The following RHBDL2 variants were observed in gnomAD, a reference collection of about 807,000 sequenced individuals.
RHBDL2 encodes rhomboid like 2.
A neutral mutation model predicts 31.7 loss-of-function variants in RHBDL2; 26 were observed. The observed-to-expected ratio is 0.82, with a 90% CI of 0.60 to 1.14. The LOEUF (loss-of-function observed/expected upper bound fraction) is 1.14. Ranked by LOEUF, RHBDL2 falls within the 50% of genes most tolerant of loss-of-function variation. RHBDL2 has a pLI of 0.00. For synonymous variants in RHBDL2, 123 were observed against 127.2 expected, an observed-to-expected ratio of 0.97 and a Z score of 0.22; for missense variants, 336 against 364.4, an observed-to-expected ratio of 0.92 and a Z score of 0.63.
intron 1 of RHBDL2, among the ~76,000 whole-genome samples, chr1:38,928,409 T>C (rs1386350435): frequency 6.6e-6 from 1 of 150,982 alleles, no homozygotes; most frequent in Non-Finnish European, 1.5e-5. Flanking sequence ...CCCAAAGTGC[T>C]GGGATTACAG....
At chr1:38,925,874 C>T in intron 1 of RHBDL2, 2 of 1,022,832 alleles carry the variant, frequency 2.0e-6, no homozygotes, top group South Asian at 1.5e-5. Context: ...GAGCAGTAGG[C>T]CTGGCTCACT....
At chr1:38,915,165 TC>T in intron 3 of RHBDL2, among the ~76,000 whole-genome samples, 1 of 150,062 alleles carries the variant, frequency 6.7e-6, no homozygotes. Context: ...GGAGTCTCAC[TC>T]TTGTCCCCCA....
At chr1:38,897,118 T>G (rs1232644393) in intron 4 of RHBDL2, among the ~76,000 whole-genome samples, 1 of 151,454 alleles carries the variant, frequency 6.6e-6, no homozygotes, top group African/African-American at 2.4e-5. Flanking sequence ...TTTTTTTTTT[T>G]GAGATGGAGT....
rs901517867 is a variant in RHBDL2, at chr1:38,937,998, C to A, written c.-126+3684G>T. Among the ~76,000 whole-genome samples the A allele has an allele frequency of 5.3e-5, 8 of 151,388 alleles. No individual in the cohort carries two copies. In the South Asian group the frequency reaches 1.7e-3, roughly 32 times the overall value. On this transcript the variant is annotated intron_variant, in intron 1 of 7. Coordinates refer to ENST00000372990, the MANE Select transcript of RHBDL2 (RefSeq NM_017821.5). ...TCAGCCTCACTTCTGAAATGCAAATCAGGTAGTGTCATTCTCATTGCTAAT... is the reference window on the plus strand; with the variant it reads ...TCAGCCTCACTTCTGAAATGCAAATAAGGTAGTGTCATTCTCATTGCTAAT...
In RHBDL2 at chr1:38,911,392, C is replaced by G; in HGVS notation, c.438G>C (p.Leu146Phe). The part of the protein sequence containing the change: ...ILGNLCMQLV[L>F]GIPLEMVHKG... ...TGTGGACCATTTCCAAGGGAATACC[C>G]AAAACAAGCTGCATACAAAGATTCC... Residue 146 changes from leucine (L) to phenylalanine (F), a missense_variant, in exon 4 of 8, where the codon TTG becomes TTC. Transcript: ENST00000372990. 6.2e-7 allele frequency: 1 copy of G among 1,613,910 alleles called. No homozygotes were observed. Among genetic ancestry groups the G allele is most frequent in the South Asian group, 1.1e-5 (1 of 91,070 alleles).
At chr1:38,934,737 C>T (rs562731441) in intron 1 of RHBDL2, among the ~76,000 whole-genome samples, 396 of 150,476 alleles carry the variant, frequency 2.6e-3, no homozygotes, top group Admixed American at 4.1e-3. Flanking sequence ...GCGGGCAGAT[C>T]ACGAGGTCAA....
rs1388900914 is a variant in RHBDL2, at chr1:38,886,504, T to G, written c.912A>C (p.Ter304CysextTer17). 6.4e-7 allele frequency: 1 copy of G among 1,568,136 alleles called. No homozygotes were observed. Among genetic ancestry groups the G allele is most frequent in the Non-Finnish European group, 8.7e-7 (1 of 1,150,440 alleles). The change falls in exon 8 of 8, where the codon TGA (stop) becomes TGC (cysteine). Residue 304 changes from the stop codon to cysteine (C), a stop_lost. Transcript: ENST00000372990. Reference sequence around the variant, plus strand: ...TTAATTGACTTACAATAGGGGCAGGTCAGTTTGCTGGAGATAGGAAAATGT... The same window carrying G: ...TTAATTGACTTACAATAGGGGCAGGGCAGTTTGCTGGAGATAGGAAAATGT... The part of the protein sequence containing the change: ...FFNIFLSPAN[*>C]
chr1:38,915,904 T>C (rs6675870), intron 2 of RHBDL2, among the ~76,000 whole-genome samples, 194 bp from the exon 3 acceptor site: 33,003 of 152,108 alleles, frequency 0.22, 4,315 homozygotes, highest in African/African-American at 0.37. Flanking sequence ...CTTCCTCTGA[T>C]GGTTGGGAGC....
chr1:38,917,496 G>A (rs958965314), intron 2 of RHBDL2, among the ~76,000 whole-genome samples: 2 of 152,168 alleles, frequency 1.3e-5, no homozygotes, highest in Non-Finnish European at 2.9e-5. Flanking sequence ...GGCAATTGAG[G>A]TTTGTACCAC....
chr1:38,903,950 A>G (rs1243703058), intron 4 of RHBDL2, among the ~76,000 whole-genome samples: 1 of 152,206 alleles, frequency 6.6e-6, no homozygotes, highest in African/African-American at 2.4e-5. Context: ...ATACAAAAGC[A>G]ATTTGTATTT....
chr1:38,934,181 T>C (rs1380634901), intron 1 of RHBDL2, among the ~76,000 whole-genome samples: 1 of 151,348 alleles, frequency 6.6e-6, no homozygotes, highest in Admixed American at 6.6e-5. Context: ...ACCCCATCTC[T>C]ATGAAAAATG....
chr1:38,926,541 A>G (rs542844239), intron 1 of RHBDL2: 1 of 152,478 alleles, frequency 6.6e-6, no homozygotes, highest in East Asian at 1.9e-4. Flanking sequence ...TTTGCAATAA[A>G]AAAACCTGAC....
At chr1:38,891,514 G>C (rs1322631161) in intron 6 of RHBDL2, among the ~76,000 whole-genome samples, 1 of 152,138 alleles carries the variant, frequency 6.6e-6, no homozygotes, top group African/African-American at 2.4e-5. Flanking sequence ...CCCAAACAAT[G>C]TGTCCTCTGA....
At chr1:38,937,226 G>C (rs551763005) in intron 1 of RHBDL2, among the ~76,000 whole-genome samples, 1 of 152,130 alleles carries the variant, frequency 6.6e-6, no homozygotes, top group Non-Finnish European at 1.5e-5. Flanking sequence ...GATTACAGGC[G>C]TGAGCCACCG....
intron 4 of RHBDL2, among the ~76,000 whole-genome samples, chr1:38,905,544 G>C (rs1412263146): frequency 6.6e-6 from 1 of 150,770 alleles, no homozygotes; most frequent in Non-Finnish European, 1.5e-5. Flanking sequence ...GAGGCCAGGA[G>C]TTTGAAATCA....
At chr1:38,926,276 G>A in intron 1 of RHBDL2, 1 of 963,520 alleles carries the variant, frequency 1.0e-6, no homozygotes, top group Non-Finnish European at 1.3e-6. Flanking sequence ...GGGTCAGCAT[G>A]GCATCCAGCA....
At chr1:38,923,916 G>T (rs989059759) in intron 1 of RHBDL2, among the ~76,000 whole-genome samples, 4 of 152,188 alleles carry the variant, frequency 2.6e-5, no homozygotes, top group African/African-American at 9.6e-5. Flanking sequence ...TCATCCTACA[G>T]GTAGGGAACA....
At chr1:38,938,710 G>T (rs1643535073) in intron 1 of RHBDL2, among the ~76,000 whole-genome samples, 2 of 152,182 alleles carry the variant, frequency 1.3e-5, no homozygotes, top group Non-Finnish European at 2.9e-5. Context: ...GCCTTACTGA[G>T]CATCTACCAC....
chr1:38,930,187 C>T (rs1339524417), intron 1 of RHBDL2, among the ~76,000 whole-genome samples: 2 of 152,132 alleles, frequency 1.3e-5, no homozygotes, highest in Non-Finnish European at 2.9e-5. Context: ...CATGCAGGGC[C>T]TCTCGGCGGA....
Sources: allele counts gnomAD v4.1 joint callset (sites outside exome capture counted in the v4.1 genomes callset), GRCh38; gene constraint gnomAD v4.1.1; transcripts MANE v1.5; gene names NCBI Gene and HGNC (gene_info 2026-07-23, HGNC 2026-07-21).